PDE7B: variants seen among roughly 807,000 people sequenced by gnomAD.
PDE7B encodes phosphodiesterase 7B.
Under a neutral mutation model 56.2 loss-of-function variants are expected in PDE7B, and 29 were observed. That is an observed-to-expected ratio of 0.52 (90% CI 0.38 to 0.70). The LOEUF (loss-of-function observed/expected upper bound fraction) is 0.70. PDE7B is among the 30% of genes least tolerant of loss of function. PDE7B has a pLI of 0.00. For missense variants in PDE7B, 490 were observed against 565.0 expected, an observed-to-expected ratio of 0.87 and a Z score of 1.35; for synonymous variants, 197 against 196.9, an observed-to-expected ratio of 1.00 and a Z score of 0.00.
At chr6:136,014,743 A>C (rs927411082) in intron 2 of PDE7B, among the ~76,000 whole-genome samples, 3 of 152,216 alleles carry the variant, frequency 2.0e-5, no homozygotes, top group Non-Finnish European at 4.4e-5. Context: ...AATTACACAT[A>C]AAATGAAATA....
chr6:136,019,827 T>C (rs1435360538), intron 2 of PDE7B, among the ~76,000 whole-genome samples: 1 of 152,124 alleles, frequency 6.6e-6, no homozygotes, highest in Non-Finnish European at 1.5e-5. Context: ...AGAAAACATA[T>C]TTACTATACA....
intron 2 of PDE7B, among the ~76,000 whole-genome samples, chr6:136,101,215 C>A (rs774430197): frequency 6.6e-6 from 1 of 152,102 alleles, no homozygotes. Flanking sequence ...GGATATTGGT[C>A]CAAAATTCTC....
chr6:136,069,656 T>A (rs910342754), intron 2 of PDE7B, among the ~76,000 whole-genome samples: 1 of 152,238 alleles, frequency 6.6e-6, no homozygotes, highest in Non-Finnish European at 1.5e-5. Flanking sequence ...CATTTTCAGC[T>A]TTTTTAAACA....
intron 1 of PDE7B, among the ~76,000 whole-genome samples, chr6:135,892,806 T>C (rs1775831784): frequency 6.6e-6 from 1 of 152,218 alleles, no homozygotes; most frequent in African/African-American, 2.4e-5. Flanking sequence ...TATTTCTCAG[T>C]ATCTTTAGTA....
intron 2 of PDE7B, among the ~76,000 whole-genome samples, chr6:136,023,400 C>T (rs753163135): frequency 1.3e-5 from 2 of 152,172 alleles, no homozygotes; most frequent in African/African-American, 2.4e-5. Flanking sequence ...GAAGCCAGTA[C>T]CTTGGATCAT....
chr6:135,978,176 G>T (rs745525832), intron 2 of PDE7B, among the ~76,000 whole-genome samples: 1 of 152,146 alleles, frequency 6.6e-6, no homozygotes, highest in Admixed American at 6.6e-5. Flanking sequence ...CCTATTGCTC[G>T]TAGGCTACAA....
At chr6:136,017,201 A>C (rs1350817159) in intron 2 of PDE7B, among the ~76,000 whole-genome samples, 1 of 152,214 alleles carries the variant, frequency 6.6e-6, no homozygotes, top group Non-Finnish European at 1.5e-5. Flanking sequence ...AATTTCATCC[A>C]AATATTATTT....
intron 1 of PDE7B, among the ~76,000 whole-genome samples, chr6:135,877,071 T>C (rs1773541300): frequency 7.0e-6 from 1 of 142,380 alleles, no homozygotes; most frequent in South Asian, 2.1e-4. Flanking sequence ...ACATTTGTTC[T>C]TTAAAAAAAA....
At chr6:135,943,939 C>G (rs1452091694) in intron 1 of PDE7B, among the ~76,000 whole-genome samples, 1 of 152,202 alleles carries the variant, frequency 6.6e-6, no homozygotes, top group African/African-American at 2.4e-5. Context: ...GATCCAGCCC[C>G]TTGGATGAGT....
chr6:135,907,325 T>A (rs1776133559), intron 1 of PDE7B, among the ~76,000 whole-genome samples: 1 of 152,174 alleles, frequency 6.6e-6, no homozygotes, highest in African/African-American at 2.4e-5. Flanking sequence ...CTCTGACCTC[T>A]GTTTCCTTAA....
chr6:136,027,655 T>C (rs1776177208), intron 2 of PDE7B, among the ~76,000 whole-genome samples: 2 of 152,200 alleles, frequency 1.3e-5, no homozygotes, highest in Non-Finnish European at 2.9e-5. Context: ...AGAGTCTTGC[T>C]CTGTCGCCCA....
intron 1 of PDE7B, among the ~76,000 whole-genome samples, chr6:135,885,083 T>A (rs1414921724): frequency 6.6e-6 from 1 of 152,102 alleles, no homozygotes; most frequent in Non-Finnish European, 1.5e-5. Context: ...GATCCAACCC[T>A]CCACTCTCCT....
intron 1 of PDE7B, among the ~76,000 whole-genome samples, chr6:135,921,275 T>C (rs2128195406): frequency 6.6e-6 from 1 of 152,268 alleles, no homozygotes; most frequent in Middle Eastern, 3.4e-3. Flanking sequence ...ATTTAATCCT[T>C]TTCTTAGATG....
chr6:136,095,670 A>T (rs1438651493), intron 2 of PDE7B: 1 of 152,188 alleles, frequency 6.6e-6, no homozygotes, highest in Non-Finnish European at 1.5e-5. Flanking sequence ...CTTTAAACAG[A>T]GATTGCACCA....
intron 2 of PDE7B, among the ~76,000 whole-genome samples, chr6:135,956,778 T>C (rs1025729639): frequency 2.2e-5 from 3 of 136,452 alleles, no homozygotes; most frequent in African/African-American, 8.4e-5. Context: ...CAAGACCCTC[T>C]CAAAAAGAAA....
At chr6:135,928,496 T>C (rs1392767070) in intron 1 of PDE7B, among the ~76,000 whole-genome samples, 2 of 104,336 alleles carry the variant, frequency 1.9e-5, no homozygotes, top group Admixed American at 2.3e-4. Flanking sequence ...TTTATATATA[T>C]ATATTTATAT....
chr6:136,051,709 A>T (rs1776631876), intron 2 of PDE7B, among the ~76,000 whole-genome samples: 2 of 152,186 alleles, frequency 1.3e-5, no homozygotes, highest in Non-Finnish European at 2.9e-5. Context: ...AGTCTGGGCA[A>T]CTCATCTACG....
intron 2 of PDE7B, among the ~76,000 whole-genome samples, chr6:136,052,626 C>G (rs545976937): frequency 2.0e-5 from 3 of 150,572 alleles, no homozygotes; most frequent in East Asian, 2.0e-4. Flanking sequence ...AGCCCCCCCC[C>G]ACCCACAGCA....
At chr6:136,060,563 T>C (rs1300486051) in intron 2 of PDE7B, among the ~76,000 whole-genome samples, 1 of 152,186 alleles carries the variant, frequency 6.6e-6, no homozygotes, top group Non-Finnish European at 1.5e-5. Context: ...GACAGCAATT[T>C]AGGATGTACA....
Sources: allele counts gnomAD v4.1 joint callset (sites outside exome capture counted in the v4.1 genomes callset), GRCh38; gene constraint gnomAD v4.1.1; transcripts MANE v1.5; gene names NCBI Gene and HGNC (gene_info 2026-07-23, HGNC 2026-07-21).